Variants in DDX10 observed in about 807,000 individuals in gnomAD.
DDX10 encodes the protein probable ATP-dependent RNA helicase DDX10.
DDX10 carries 74 observed loss-of-function variants against 104.3 expected under a neutral mutation model. That is an observed-to-expected ratio of 0.71 (90% CI 0.59 to 0.86). DDX10 has a LOEUF of 0.86. DDX10 is among the 40% of genes least tolerant of loss of function. The pLI, the probability that DDX10 is intolerant of heterozygous loss-of-function variation, is 0.00. For missense variants in DDX10, 952 were observed against 1,040.0 expected (o/e 0.92, Z 1.16); for synonymous variants, 351 against 353.4 (o/e 0.99, Z 0.08).
In DDX10 at chr11:108,744,342, G is replaced by T. The variant is rs2094328841; in HGVS notation, c.1965+20880G>T. ...GGCCATTTATGTCCCTCGTTTCTCA[G>T]GTTGGAAGATTCTGCTGGACTACTT... On this transcript the variant is annotated intron_variant, in intron 13 of 17. Transcript: ENST00000322536. 2.6e-5 allele frequency among the ~76,000 whole-genome samples: 4 copies of T among 152,060 alleles called. No individual in the cohort carries two copies. The South Asian group carries it at 8.3e-4, about 32-fold the overall frequency.
chr11:108,670,470 A>G (rs1422394547), intron 1 of DDX10, among the ~76,000 whole-genome samples: 2 of 152,198 alleles, frequency 1.3e-5, no homozygotes, highest in African/African-American at 4.8e-5. Flanking sequence ...CATCAGAGGA[A>G]TCCCCGGGCC....
intron 16 of DDX10, among the ~76,000 whole-genome samples, chr11:108,865,528 G>T (rs1862998365): frequency 6.6e-6 from 1 of 152,078 alleles, no homozygotes; most frequent in South Asian, 2.1e-4. Flanking sequence ...GCCTCCTTGG[G>T]GCTTTTGGAA....
At chr11:108,868,376 CT>C (rs578102149) in intron 16 of DDX10, 480 of 142,298 alleles carry the variant, frequency 3.4e-3, no homozygotes, top group Middle Eastern at 7.5e-3. Context: ...GGGATTTCTA[CT>C]TTTTTTTTTT....
intron 13 of DDX10, among the ~76,000 whole-genome samples, chr11:108,798,682 T>C (rs1861978858): frequency 6.6e-6 from 1 of 152,220 alleles, no homozygotes; most frequent in Admixed American, 6.5e-5. Context: ...TTTTATTTTT[T>C]GTTTTTAAGG....
chr11:108,927,635 C>CTTTTTTTTT (rs147115643), intron 17 of DDX10, among the ~76,000 whole-genome samples: 2 of 146,508 alleles, frequency 1.4e-5, no homozygotes, highest in African/African-American at 2.5e-5. Flanking sequence ...GCACTTGGAA[C>CTTTTTTTTT]TTTTTTTTTT....
intron 10 of DDX10, among the ~76,000 whole-genome samples, chr11:108,713,809 G>T (rs2094287722): frequency 6.6e-6 from 1 of 152,156 alleles, no homozygotes; most frequent in Non-Finnish European, 1.5e-5. Flanking sequence ...GTGTGAGAGG[G>T]TGGGGGCTGT....
intron 12 of DDX10, among the ~76,000 whole-genome samples, chr11:108,722,407 AT>A: frequency 1.3e-5 from 2 of 152,286 alleles, no homozygotes; most frequent in South Asian, 2.1e-4. Context: ...AGAAAACAAT[AT>A]TTTTTAATTT....
At chr11:108,881,865 T>C (rs1004978232) in intron 16 of DDX10, among the ~76,000 whole-genome samples, 1 of 152,134 alleles carries the variant, frequency 6.6e-6, no homozygotes, top group African/African-American at 2.4e-5. Context: ...ATATTTTAGA[T>C]AAATAGTCTA....
intron 17 of DDX10, among the ~76,000 whole-genome samples, chr11:108,932,354 C>T (rs561160596): frequency 2.0e-5 from 3 of 152,058 alleles, no homozygotes; most frequent in East Asian, 3.9e-4. Flanking sequence ...CCAGGCCGAA[C>T]ATGGTGGTGT....
intron 16 of DDX10, chr11:108,860,664 C>G (rs1267122530): frequency 6.6e-6 from 1 of 152,050 alleles, no homozygotes; most frequent in East Asian, 1.9e-4. Context: ...TTGTGCCTTA[C>G]CCTCCCAAGT....
intron 13 of DDX10, among the ~76,000 whole-genome samples, chr11:108,735,052 C>T (rs549399248): frequency 1.3e-5 from 2 of 152,288 alleles, no homozygotes; most frequent in East Asian, 3.9e-4. Context: ...CTTTTCAACA[C>T]TTTTAAATTG....
chr11:108,931,075 C>A (rs904262913), intron 17 of DDX10, among the ~76,000 whole-genome samples: 2 of 152,168 alleles, frequency 1.3e-5, no homozygotes, highest in African/African-American at 4.8e-5. Context: ...GTCCCAGCTC[C>A]CCAGGAGTTC....
chr11:108,779,032 A>G lies in DDX10; in HGVS notation c.1965+55570A>G, dbSNP rs2094374198. On this transcript the variant is annotated intron_variant, in intron 13 of 17. Transcript: ENST00000322536. Reference sequence around the variant, plus strand: ...GAATGGCAATCATTAAAAAGTCAGGAAACAACAGGTGCTGGAGAGAATGTG... The same window carrying G: ...GAATGGCAATCATTAAAAAGTCAGGGAACAACAGGTGCTGGAGAGAATGTG... Among the ~76,000 whole-genome samples, 5 of 152,194 alleles carry G rather than the reference A, an allele frequency of 3.3e-5. No individual in the cohort carries two copies. In the South Asian group the frequency reaches 1.0e-3, roughly 32 times the overall value.
chr11:108,884,026 T>C (rs1863261575), intron 16 of DDX10, among the ~76,000 whole-genome samples: 1 of 152,186 alleles, frequency 6.6e-6, no homozygotes, highest in Admixed American at 6.5e-5. Flanking sequence ...ATCTCATCCA[T>C]TTTCAGCCTT....
intron 16 of DDX10, among the ~76,000 whole-genome samples, chr11:108,870,789 A>T (rs1202673711): frequency 6.6e-6 from 1 of 152,106 alleles, no homozygotes; most frequent in East Asian, 1.9e-4. Context: ...AGAATGGGAA[A>T]CTCAGAACAG....
At chr11:108,845,748 G>C (rs1862707877) in intron 15 of DDX10, among the ~76,000 whole-genome samples, 2 of 152,064 alleles carry the variant, frequency 1.3e-5, no homozygotes, top group African/African-American at 4.8e-5. Context: ...GATTTTGTAA[G>C]CCTTGGCATT....
chr11:108,932,828 G>T (rs937139863), intron 17 of DDX10, among the ~76,000 whole-genome samples: 22 of 151,842 alleles, frequency 1.4e-4, no homozygotes, highest in African/African-American at 5.1e-4. Flanking sequence ...AATATTTTTG[G>T]CAAGTGCTGT....
intron 17 of DDX10, among the ~76,000 whole-genome samples, chr11:108,923,850 G>A (rs1863873134): frequency 6.6e-6 from 1 of 152,182 alleles, no homozygotes; most frequent in Non-Finnish European, 1.5e-5. Context: ...TTAGGTGTAA[G>A]TATTAACTGA....
chr11:108,739,381 G>A (rs1313841532), intron 13 of DDX10, among the ~76,000 whole-genome samples: 1 of 152,184 alleles, frequency 6.6e-6, no homozygotes, highest in Non-Finnish European at 1.5e-5. Flanking sequence ...CTTTTCTGGG[G>A]CTAAGTATTC....
Sources: gnomAD v4.1 joint callset for allele counts (sites outside exome capture counted in the v4.1 genomes callset) on GRCh38, gnomAD v4.1.1 for gene constraint, MANE v1.5 for transcripts, NCBI Gene and HGNC (gene_info 2026-07-23, HGNC 2026-07-21) for gene names.